ABCA13: variants seen among roughly 807,000 people sequenced by gnomAD.
ABCA13 encodes ATP-binding cassette sub-family A member 13.
ABCA13 carries 476 observed loss-of-function variants against 478.7 expected under a neutral mutation model. That is an observed-to-expected ratio of 0.99 (90% CI 0.92 to 1.07). The LOEUF (loss-of-function observed/expected upper bound fraction) is 1.07, where lower values mean the gene tolerates loss of function less well. Ranked by LOEUF, ABCA13 falls within the 50% of genes least tolerant of loss-of-function variation. The pLI, the probability that ABCA13 is intolerant of heterozygous loss-of-function variation, is 0.00. For missense variants in ABCA13, 6,060 were observed against 5,910.6 expected (o/e 1.03, Z -0.83); for synonymous variants, 2,252 against 2,158.9 (o/e 1.04, Z -1.20).
chr7:48,279,961 G>T, intron 18 of ABCA13, 41 bp downstream of exon 18: 3 of 1,481,142 alleles, frequency 2.0e-6, no homozygotes, highest in East Asian at 2.3e-5. Context: ...TTTCTCTACC[G>T]CAGTAGCTAT....
At chr7:48,583,678 A>G (rs1190036818) in intron 56 of ABCA13, among the ~76,000 whole-genome samples, 3 of 152,220 alleles carry the variant, frequency 2.0e-5, no homozygotes, top group East Asian at 3.9e-4. Context: ...CTAGAGCTTC[A>G]TGAGAGAAAA....
chr7:48,581,187 T>C (rs1223029064), intron 56 of ABCA13, among the ~76,000 whole-genome samples: 1 of 152,210 alleles, frequency 6.6e-6, no homozygotes, highest in East Asian at 1.9e-4. Flanking sequence ...TATTATGCGT[T>C]TGCAATTAGA....
At chr7:48,256,092 A>G (rs1292979184) in intron 15 of ABCA13, among the ~76,000 whole-genome samples, 1 of 152,092 alleles carries the variant, frequency 6.6e-6, no homozygotes, top group African/African-American at 2.4e-5. Flanking sequence ...GGCCATGTGC[A>G]TGTCTTCTTC....
chr7:48,314,199 T>A (rs1409460043), intron 25 of ABCA13, 33 bp from the exon 26 acceptor site: 1 of 1,602,192 alleles, frequency 6.2e-7, no homozygotes, highest in Admixed American at 1.7e-5. Context: ...TAAGTCACTA[T>A]GTAATTGCAA....
At chr7:48,347,226 C>T (rs1288490963) in intron 29 of ABCA13, among the ~76,000 whole-genome samples, 1 of 152,184 alleles carries the variant, frequency 6.6e-6, no homozygotes, top group Non-Finnish European at 1.5e-5. Context: ...AAAGGAATCA[C>T]TTTTGCAGCA....
intron 59 of ABCA13, among the ~76,000 whole-genome samples, chr7:48,628,127 C>T (rs1793835392): frequency 2.6e-5 from 4 of 152,178 alleles, no homozygotes; most frequent in Non-Finnish European, 5.9e-5. Flanking sequence ...CCAAGAAAAA[C>T]ACATGACTAG....
chr7:48,566,494 G>A (rs188800976), intron 55 of ABCA13, among the ~76,000 whole-genome samples: 44 of 152,308 alleles, frequency 2.9e-4, no homozygotes, highest in Non-Finnish European at 4.4e-4. Context: ...TTAAGGAGAT[G>A]TTGGTTAGCA....
At chr7:48,298,963 G>C (rs1799776989) in intron 23 of ABCA13, among the ~76,000 whole-genome samples, 1 of 152,330 alleles carries the variant, frequency 6.6e-6, no homozygotes, top group East Asian at 1.9e-4. Flanking sequence ...ACGCAAATGA[G>C]TAATGGCAGG....
intron 8 of ABCA13, among the ~76,000 whole-genome samples, chr7:48,238,043 T>C (rs1423906531): frequency 6.6e-6 from 1 of 152,248 alleles, no homozygotes; most frequent in Non-Finnish European, 1.5e-5. Flanking sequence ...AGTGAACACA[T>C]GGGACTAAAA....
chr7:48,407,369 G>T (rs1818402219), intron 39 of ABCA13, among the ~76,000 whole-genome samples: 1 of 151,568 alleles, frequency 6.6e-6, no homozygotes, highest in South Asian at 2.1e-4. Context: ...CCAGCTGCTT[G>T]GGAGGCTGAG....
At chr7:48,599,957 T>C (rs1157257312) in intron 58 of ABCA13, among the ~76,000 whole-genome samples, 2 of 152,224 alleles carry the variant, frequency 1.3e-5, no homozygotes, top group Admixed American at 1.3e-4. Context: ...GTTGTTTAAG[T>C]ATTCTGTATT....
At chr7:48,200,990 G>GAC (rs1798611399) in intron 3 of ABCA13, among the ~76,000 whole-genome samples, 3 of 151,920 alleles carry the variant, frequency 2.0e-5, no homozygotes, top group African/African-American at 7.3e-5. Flanking sequence ...GAAATAGAAA[G>GAC]AGAATAAGAG....
intron 29 of ABCA13, among the ~76,000 whole-genome samples, chr7:48,344,599 G>A (rs1318571697): frequency 6.6e-6 from 1 of 152,122 alleles, no homozygotes; most frequent in South Asian, 2.1e-4. Flanking sequence ...CAGACTTAAA[G>A]TAGCCTGTGT....
At chr7:48,235,764 G>A (rs1016419211) in intron 8 of ABCA13, among the ~76,000 whole-genome samples, 1 of 152,128 alleles carries the variant, frequency 6.6e-6, no homozygotes. Flanking sequence ...ATAAAGAAGA[G>A]GAAAACCAGT....
At chr7:48,599,252 T>G (rs1299033045) in intron 58 of ABCA13, among the ~76,000 whole-genome samples, 1 of 151,388 alleles carries the variant, frequency 6.6e-6, no homozygotes, top group Non-Finnish European at 1.5e-5. Context: ...TTTTAAGAGA[T>G]TTTTTTTTCT....
At chr7:48,570,670 T>C (rs1787552198) in intron 55 of ABCA13, among the ~76,000 whole-genome samples, 1 of 152,116 alleles carries the variant, frequency 6.6e-6, no homozygotes, top group Non-Finnish European at 1.5e-5. Flanking sequence ...CTAAAGTGTA[T>C]ATTTTATAGA....
rs1825505283 is a variant in ABCA13 at position 48,455,091 on chromosome 7, A to G, written c.12620A>G (p.Gln4207Arg). Residue 4207 changes from glutamine (Q) to arginine (R), a missense_variant, in exon 43 of 62, where the codon CAA becomes CGA. This residue lies in a region of ABCA13 where 1,627 missense variants were observed against 1,571.0 expected (regional missense o/e 1.04). Transcript: ENST00000435803. ...TVQGVQLLRA[Q>R]VAAILARRLR... ...CAGGGCGTCCAGCTGCTCCGCGCAC[A>G]AGTGGCCGCGATCCTGGCCCGGAGG... 1 of 1,549,692 alleles carries G rather than the reference A, an allele frequency of 6.5e-7. No individual in the cohort carries two copies. Among genetic ancestry groups the G allele is most frequent in the African/African-American group, 1.4e-5 (1 of 73,188 alleles).
At chr7:48,235,320 A>G (rs1287862488) in intron 8 of ABCA13, among the ~76,000 whole-genome samples, 1 of 152,180 alleles carries the variant, frequency 6.6e-6, no homozygotes, top group African/African-American at 2.4e-5. Context: ...GCTGACTTTT[A>G]TTCTAGTTTT....
intron 43 of ABCA13, among the ~76,000 whole-genome samples, chr7:48,463,012 C>T (rs969515999): frequency 2.0e-5 from 3 of 152,186 alleles, no homozygotes; most frequent in Non-Finnish European, 4.4e-5. Context: ...TGTATCTAAA[C>T]AGTGGCTATC....
Sources: allele counts gnomAD v4.1 joint callset (sites outside exome capture counted in the v4.1 genomes callset), GRCh38; gene constraint gnomAD v4.1.1; regional missense constraint gnomAD v4.1.1; transcripts MANE v1.5; gene names NCBI Gene and HGNC (gene_info 2026-07-23, HGNC 2026-07-21).